Variants in PPP1R9A observed in about 807,000 individuals in gnomAD.
PPP1R9A encodes the protein neurabin-1.
PPP1R9A carries 59 observed loss-of-function variants against 141.9 expected under a neutral mutation model. That is an observed-to-expected ratio of 0.42 (90% CI 0.34 to 0.52). PPP1R9A has a LOEUF of 0.52. Ranked by LOEUF, PPP1R9A falls within the 20% of genes least tolerant of loss-of-function variation. The pLI is 0.10. For missense variants in PPP1R9A, 1,444 were observed against 1,611.9 expected (o/e 0.90, Z 1.78); for synonymous variants, 500 against 569.7 (o/e 0.88, Z 1.74).
intron 5 of PPP1R9A, among the ~76,000 whole-genome samples, chr7:95,189,467 C>T (rs1333152221): frequency 6.2e-5 from 8 of 128,952 alleles, no homozygotes; most frequent in East Asian, 4.4e-4. Context: ...GACGGAGTCT[C>T]GCTCTGTCGC....
intron 2 of PPP1R9A, among the ~76,000 whole-genome samples, chr7:95,013,187 A>G (rs1804663008): frequency 6.6e-6 from 1 of 152,162 alleles, no homozygotes; most frequent in Non-Finnish European, 1.5e-5. Context: ...ACTGCATAAG[A>G]AATTAACCAA....
intron 5 of PPP1R9A, among the ~76,000 whole-genome samples, chr7:95,191,761 A>G (rs947913694): frequency 1.5e-4 from 23 of 152,136 alleles, no homozygotes; most frequent in Non-Finnish European, 3.4e-4. Flanking sequence ...TAGCTAAAAG[A>G]TAAAAAGATC....
chr7:95,009,402 G>A (rs1171120054), intron 2 of PPP1R9A, among the ~76,000 whole-genome samples: 1 of 152,214 alleles, frequency 6.6e-6, no homozygotes, highest in Non-Finnish European at 1.5e-5. Flanking sequence ...ATCCAGGTGT[G>A]CTGGGATTCT....
At chr7:95,072,982 ATAT>A (rs111569228) in intron 2 of PPP1R9A, among the ~76,000 whole-genome samples, 107 of 131,722 alleles carry the variant, frequency 8.1e-4, no homozygotes, top group African/African-American at 2.8e-3. Context: ...TATAATAATA[ATAT>A]TATTATTATT....
At chr7:95,290,029 T>G in intron 19 of PPP1R9A, 62 bp from the exon 20 acceptor site, 3 of 1,593,388 alleles carry the variant, frequency 1.9e-6, no homozygotes, top group Non-Finnish European at 2.6e-6. Flanking sequence ...ATATGGTATG[T>G]TAACACCATC....
chr7:95,288,250 G>T (rs1249511445), intron 18 of PPP1R9A, among the ~76,000 whole-genome samples: 1 of 152,130 alleles, frequency 6.6e-6, no homozygotes, highest in Non-Finnish European at 1.5e-5. Flanking sequence ...AATCTGTCCA[G>T]ACTGTTTTGA....
chr7:95,000,813 A>C (rs1802812795), intron 2 of PPP1R9A, among the ~76,000 whole-genome samples: 1 of 152,134 alleles, frequency 6.6e-6, no homozygotes, highest in Non-Finnish European at 1.5e-5. Flanking sequence ...ATTCTACACT[A>C]TCTCTGAATA....
At chr7:95,240,179 A>G (rs1309704485) in intron 8 of PPP1R9A, among the ~76,000 whole-genome samples, 1 of 151,174 alleles carries the variant, frequency 6.6e-6, no homozygotes, top group Non-Finnish European at 1.5e-5. Flanking sequence ...TTCCCTGAAA[A>G]AGTGGTAGGG....
At position 95,003,396 on chromosome 7, in the gene PPP1R9A, C is replaced by A. The variant is rs868728976; in HGVS notation, c.1395+91888C>A. 2.6e-5 allele frequency among the ~76,000 whole-genome samples: 4 copies of A among 152,128 alleles called. No homozygotes were observed. In the South Asian group the frequency reaches 6.2e-4, roughly 24 times the overall value. The stretch of plus-strand genomic sequence containing the variant: ...CATGGTAACTCAACTTGTTATTCTG[C>A]ACCTTGGGAAAAAAATGCTTCCTTG... On this transcript the variant is annotated intron_variant, in intron 2 of 19. Transcript: ENST00000433360.
intron 4 of PPP1R9A, among the ~76,000 whole-genome samples, chr7:95,153,596 C>T (rs1304417409): frequency 6.6e-6 from 1 of 152,096 alleles, no homozygotes; most frequent in Admixed American, 6.6e-5. Flanking sequence ...CTGATTTGTC[C>T]AAAGAATCAG....
intron 4 of PPP1R9A, among the ~76,000 whole-genome samples, chr7:95,157,998 A>G (rs1304215672): frequency 1.3e-5 from 2 of 152,250 alleles, no homozygotes; most frequent in Admixed American, 1.3e-4. Context: ...AGAGCAAAGG[A>G]TCAAGAATGA....
At chr7:95,260,769 A>G (rs1466888675) in intron 12 of PPP1R9A, among the ~76,000 whole-genome samples, 4 of 152,016 alleles carry the variant, frequency 2.6e-5, no homozygotes, top group African/African-American at 7.2e-5. Context: ...TCATTTTAGG[A>G]AAAGTGGGCT....
At chr7:95,260,385 G>A (rs1261556252) in intron 12 of PPP1R9A, among the ~76,000 whole-genome samples, 3 of 152,042 alleles carry the variant, frequency 2.0e-5, no homozygotes, top group Admixed American at 6.6e-5. Context: ...AAATAGTACT[G>A]GGAGATATCT....
At chr7:95,023,027 C>A (rs1257765881) in intron 2 of PPP1R9A, among the ~76,000 whole-genome samples, 1 of 151,980 alleles carries the variant, frequency 6.6e-6, no homozygotes, top group East Asian at 1.9e-4. Context: ...CTTTTTCTAT[C>A]GTTTGGAATA....
At chr7:95,080,427 G>A (rs1212395254) in intron 2 of PPP1R9A, among the ~76,000 whole-genome samples, 7 of 152,018 alleles carry the variant, frequency 4.6e-5, no homozygotes, top group African/African-American at 1.2e-4. Context: ...CCACTGCTCA[G>A]TGAAATAAAA....
intron 7 of PPP1R9A, among the ~76,000 whole-genome samples, chr7:95,210,242 G>A (rs1232834240): frequency 6.6e-6 from 1 of 152,054 alleles, no homozygotes; most frequent in Non-Finnish European, 1.5e-5. Flanking sequence ...TTATTTTGCT[G>A]TGGAAACAGT....
At chr7:95,037,524 T>C (rs1451834737) in intron 2 of PPP1R9A, among the ~76,000 whole-genome samples, 2 of 152,166 alleles carry the variant, frequency 1.3e-5, no homozygotes, top group Non-Finnish European at 2.9e-5. Flanking sequence ...AATAATCAAC[T>C]TAGTACATCT....
chr7:95,009,942 A>G (rs1804178035), intron 2 of PPP1R9A, among the ~76,000 whole-genome samples: 1 of 152,126 alleles, frequency 6.6e-6, no homozygotes, highest in Admixed American at 6.6e-5. Context: ...TAAAAATGGA[A>G]CTTAGTATTA....
chr7:95,036,382 AT>A (rs1808426630), intron 2 of PPP1R9A: 1 of 152,226 alleles, frequency 6.6e-6, no homozygotes, highest in South Asian at 2.1e-4. Context: ...ATACAAGAGA[AT>A]TTGATGCTTA....
Sources: allele counts gnomAD v4.1 joint callset (sites outside exome capture counted in the v4.1 genomes callset), GRCh38; gene constraint gnomAD v4.1.1; transcripts MANE v1.5; gene names NCBI Gene and HGNC (gene_info 2026-07-23, HGNC 2026-07-21).